ANKFN1: variants seen among roughly 807,000 people sequenced by gnomAD.
ANKFN1 encodes the protein ankyrin repeat and fibronectin type III domain containing 1.
ANKFN1 carries 74 observed loss-of-function variants against 108.7 expected under a neutral mutation model. The observed-to-expected ratio is 0.68, with a 90% CI of 0.56 to 0.83. The LOEUF is 0.83. Among genes scored for constraint, ANKFN1 ranks in the 40% least tolerant of loss-of-function variants. The pLI is 0.00. For synonymous variants in ANKFN1, 547 were observed against 516.2 expected, an observed-to-expected ratio of 1.06 and a Z score of -0.81; for missense variants, 1,505 against 1,382.3, an observed-to-expected ratio of 1.09 and a Z score of -1.41.
chr17:56,223,974 T>C (rs138595971), intron 2 of ANKFN1, among the ~76,000 whole-genome samples: 3 of 152,344 alleles, frequency 2.0e-5, no homozygotes, highest in Non-Finnish European at 2.9e-5. Context: ...CCTTGAGACT[T>C]AGACAGATTA....
chr17:56,343,777 C>T (rs1197290418), intron 4 of ANKFN1, among the ~76,000 whole-genome samples: 2 of 151,932 alleles, frequency 1.3e-5, no homozygotes, highest in Non-Finnish European at 2.9e-5. Context: ...TTTTTTCACT[C>T]CTCATACTGG....
At chr17:56,274,301 G>A (rs147653640) in intron 3 of ANKFN1, among the ~76,000 whole-genome samples, 1,799 of 152,136 alleles carry the variant, frequency 0.012, 34 homozygotes, top group African/African-American at 0.04. Flanking sequence ...GTGAAACCCC[G>A]TCTCTAGTAA....
intron 11 of ANKFN1, among the ~76,000 whole-genome samples, chr17:56,455,797 C>T (rs530585996): frequency 6.6e-6 from 1 of 152,294 alleles, no homozygotes; most frequent in Non-Finnish European, 1.5e-5. Context: ...TACCATTGTA[C>T]CTGCAGAGCC....
intron 14 of ANKFN1, among the ~76,000 whole-genome samples, chr17:56,458,656 T>C (rs1160162877): frequency 1.3e-5 from 2 of 152,208 alleles, no homozygotes; most frequent in Admixed American, 6.5e-5. Flanking sequence ...CTTACTGTTT[T>C]CTGGTATTAA....
At chr17:56,098,311 T>G (rs1041571762) in intron 4 of ANKFN1, among the ~76,000 whole-genome samples, 7 of 152,176 alleles carry the variant, frequency 4.6e-5, no homozygotes, top group Non-Finnish European at 1.0e-4. Flanking sequence ...ACAGCAGTCA[T>G]AAGAAACTAA....
At chr17:56,275,846 C>G (rs1160426828) in intron 3 of ANKFN1, among the ~76,000 whole-genome samples, 1 of 152,084 alleles carries the variant, frequency 6.6e-6, no homozygotes, top group Admixed American at 6.6e-5. Flanking sequence ...GGGCCTAGAT[C>G]AGCACTGTAT....
chr17:56,134,350 G>A (rs1437466418), intron 4 of ANKFN1, among the ~76,000 whole-genome samples: 1 of 152,124 alleles, frequency 6.6e-6, no homozygotes, highest in Non-Finnish European at 1.5e-5. Context: ...ATGTAGGCAT[G>A]ATTTATTATT....
At chr17:56,399,624 C>T (rs1184878207) in intron 8 of ANKFN1, among the ~76,000 whole-genome samples, 1 of 151,754 alleles carries the variant, frequency 6.6e-6, no homozygotes, top group African/African-American at 2.4e-5. Context: ...TTGTCCCTCG[C>T]CCCTCTCCCA....
chr17:56,312,639 C>T (rs189339565), intron 3 of ANKFN1, among the ~76,000 whole-genome samples: 1 of 152,292 alleles, frequency 6.6e-6, no homozygotes, highest in East Asian at 1.9e-4. Flanking sequence ...GGAAAGGTCA[C>T]TAGCTTCCAG....
chr17:56,331,102 A>T (rs973270402), intron 4 of ANKFN1, among the ~76,000 whole-genome samples: 5 of 152,160 alleles, frequency 3.3e-5, no homozygotes, highest in Non-Finnish European at 7.4e-5. Flanking sequence ...TGAAGCCTTA[A>T]GGTCCCCTAG....
chr17:56,353,274 T>G (rs1279776935), intron 5 of ANKFN1, among the ~76,000 whole-genome samples: 1 of 151,740 alleles, frequency 6.6e-6, no homozygotes, highest in African/African-American at 2.4e-5. Context: ...CTCTCTCCGT[T>G]GTGCAGGCTG....
intron 4 of ANKFN1, among the ~76,000 whole-genome samples, chr17:56,345,623 T>A (rs1221716188): frequency 6.6e-6 from 1 of 152,186 alleles, no homozygotes; most frequent in Non-Finnish European, 1.5e-5. Flanking sequence ...TGGTTTTGAT[T>A]TGCATTTCTC....
chr17:56,369,769 TA>T (rs1323421989), intron 6 of ANKFN1, among the ~76,000 whole-genome samples: 1 of 152,142 alleles, frequency 6.6e-6, no homozygotes, highest in African/African-American at 2.4e-5. Flanking sequence ...AAAAAATAAA[TA>T]AAAGTTTGCT....
intron 8 of ANKFN1, among the ~76,000 whole-genome samples, chr17:56,380,552 G>A (rs977975029): frequency 1.3e-5 from 2 of 152,168 alleles, no homozygotes; most frequent in African/African-American, 2.4e-5. Flanking sequence ...GGTGACAGAC[G>A]GCACCTGGAA....
intron 1 of ANKFN1, among the ~76,000 whole-genome samples, chr17:56,157,673 C>T (rs1909244360): frequency 6.6e-6 from 1 of 152,196 alleles, no homozygotes; most frequent in African/African-American, 2.4e-5. Flanking sequence ...TAAATAGGCT[C>T]TCCTACATGG....
chr17:56,365,764 G>A (rs1001242239), intron 6 of ANKFN1, among the ~76,000 whole-genome samples: 2 of 152,148 alleles, frequency 1.3e-5, no homozygotes, highest in African/African-American at 4.8e-5. Context: ...TGTTCATTGT[G>A]ATGCTGGTTT....
At chr17:56,187,091 TA>T (rs1426547697) in intron 1 of ANKFN1, among the ~76,000 whole-genome samples, 1 of 152,214 alleles carries the variant, frequency 6.6e-6, no homozygotes, top group Non-Finnish European at 1.5e-5. Flanking sequence ...AAATGGGATC[TA>T]ATTAAACTAA....
intron 8 of ANKFN1, among the ~76,000 whole-genome samples, chr17:56,432,620 C>T (rs143211686): frequency 2.9e-4 from 44 of 152,318 alleles, no homozygotes; most frequent in Non-Finnish European, 5.3e-4. Flanking sequence ...GTGTCCTTCA[C>T]GAGTTTCTGG....
chr17:56,074,339 G>T (rs1468057196), intron 4 of ANKFN1, among the ~76,000 whole-genome samples: 1 of 152,210 alleles, frequency 6.6e-6, no homozygotes, highest in African/African-American at 2.4e-5. Context: ...CCTGTTGAAT[G>T]ATCAATGAGT....
Sources: allele counts gnomAD v4.1 joint callset (sites outside exome capture counted in the v4.1 genomes callset), GRCh38; gene constraint gnomAD v4.1.1; transcripts MANE v1.5; gene names NCBI Gene and HGNC (gene_info 2026-07-23, HGNC 2026-07-21).